COPG2: variants seen among roughly 807,000 people sequenced by gnomAD.
COPG2 encodes the protein coatomer subunit gamma-2.
COPG2 carries 37 observed loss-of-function variants against 46.3 expected under a neutral mutation model. The observed-to-expected ratio is 0.80, with a 90% confidence interval of 0.61 to 1.05. COPG2 has a LOEUF of 1.05. COPG2 is among the 50% of genes least tolerant of loss of function. The probability of loss-of-function intolerance (pLI) is 0.00; values close to 1 mark genes in which losing one functional copy is unlikely to be tolerated. For synonymous variants in COPG2, 159 were observed against 129.7 expected (o/e 1.23, Z -1.53); for missense variants, 427 against 387.8 (o/e 1.10, Z -0.85).
chr7:130,520,009 C>T, intron 20 of COPG2, among the ~76,000 whole-genome samples: 1 of 152,060 alleles, frequency 6.6e-6, no homozygotes, highest in East Asian at 1.9e-4. Context: ...GATAAGAAGC[C>T]ATTGGTGGAA....
rs140236197 is a variant in COPG2 at position 130,605,039 on chromosome 7, T to C, written c.737+5914A>G. ...AATATTTGGTCATTATTTCTTCATATATCTTTTTTGCTCCATTCTATCACC... is the reference window on the plus strand; with the variant it reads ...AATATTTGGTCATTATTTCTTCATACATCTTTTTTGCTCCATTCTATCACC... On this transcript the variant is annotated intron_variant, in intron 9 of 23. Coordinates refer to ENST00000425248, the MANE Select transcript of COPG2 (RefSeq NM_012133.6). 2.7e-3 allele frequency among the ~76,000 whole-genome samples: 413 copies of C among 152,338 alleles called. 1 individual carries two copies. The highest frequency in any genetic ancestry group is 9.2e-3 in the African/African-American group (381 of 41,586).
At chr7:130,645,076 A>G (rs1193924054) in intron 5 of COPG2, 1 of 374,216 alleles carries the variant, frequency 2.7e-6, no homozygotes, top group South Asian at 2.3e-5. Flanking sequence ...AACAAAAAAA[A>G]AAAAAAAAAG....
chr7:130,588,158 G>A (rs1394294669), intron 9 of COPG2, among the ~76,000 whole-genome samples: 2 of 151,226 alleles, frequency 1.3e-5, no homozygotes, highest in Admixed American at 6.6e-5. Context: ...AGGTGCTGGA[G>A]AGGATGTGGA....
At chr7:130,575,976 T>C (rs1793992617) in intron 9 of COPG2, among the ~76,000 whole-genome samples, 1 of 152,112 alleles carries the variant, frequency 6.6e-6, no homozygotes, top group Admixed American at 6.5e-5. Context: ...GACAAAGGGG[T>C]ACATTAGATA....
rs1295438011 is a variant in COPG2 at position 130,550,545 on chromosome 7, G to A, written c.1753C>T (p.Pro585Ser). 1 of 397,622 alleles carries A rather than the reference G, an allele frequency of 2.5e-6. No individual in the cohort carries two copies. Among genetic ancestry groups the A allele is most frequent in the Non-Finnish European group, 4.4e-6 (1 of 225,590 alleles). The allele number at this position is 397,622 out of a possible 1,614,324, so 24.6% of individuals were successfully genotyped here. The change falls in exon 17 of 24, where the codon CCT becomes TCT. Residue 585 changes from proline (P) to serine (S), a missense_variant. By Grantham distance (74) the Pro-to-Ser change is moderately conservative. Coordinates refer to ENST00000425248, the MANE Select transcript of COPG2 (RefSeq NM_012133.6). ...DMKSIPLAMA[P>S]VFEQKAEITL... is the part of the protein sequence containing the mutation. The stretch of plus-strand genomic sequence containing the variant: ...GAACCTGCTTTCTGTTCAAAGACAG[G>A]AGCCATAGCAAGAGGAATTGATTTC...
intron 9 of COPG2, among the ~76,000 whole-genome samples, chr7:130,579,039 A>C (rs1215832084): frequency 8.8e-6 from 1 of 113,088 alleles, no homozygotes; most frequent in African/African-American, 3.6e-5. Flanking sequence ...TCCAAGACAC[A>C]TAATTGTCAG....
At chr7:130,526,535 C>T (rs1799776082) in intron 20 of COPG2, among the ~76,000 whole-genome samples, 1 of 151,712 alleles carries the variant, frequency 6.6e-6, no homozygotes, top group East Asian at 2.0e-4. Flanking sequence ...GGTGGAGGGG[C>T]CCCCAGGGAA....
chr7:130,610,183 T>G, intron 9 of COPG2: 1 of 468,594 alleles, frequency 2.1e-6, no homozygotes, highest in Non-Finnish European at 4.2e-6. Context: ...TAACTAATAC[T>G]TATCATTAGA....
At chr7:130,517,668 T>C (rs1799690558) in intron 20 of COPG2, among the ~76,000 whole-genome samples, 1 of 152,198 alleles carries the variant, frequency 6.6e-6, no homozygotes, top group Non-Finnish European at 1.5e-5. Context: ...ATGAGGGAAG[T>C]AAACCTCAAG....
At chr7:130,577,211 G>A (rs897081544) in intron 9 of COPG2, among the ~76,000 whole-genome samples, 1 of 152,256 alleles carries the variant, frequency 6.6e-6, no homozygotes, top group Non-Finnish European at 1.5e-5. Context: ...AGCTCCCAGT[G>A]TGAGCGACGC....
At chr7:130,633,110 T>C (rs1214867973) in intron 5 of COPG2, among the ~76,000 whole-genome samples, 4 of 152,234 alleles carry the variant, frequency 2.6e-5, no homozygotes, top group Non-Finnish European at 5.9e-5. Flanking sequence ...TTACATGGTG[T>C]ATATGTGCCA....
At chr7:130,548,338 G>A (rs1793478090) in intron 19 of COPG2, 65 bp downstream of exon 19, 1 of 397,816 alleles carries the variant, frequency 2.5e-6, no homozygotes, top group Admixed American at 4.4e-5. Context: ...ATAGGTAAAG[G>A]ATATTTGTCT....
chr7:130,511,237 T>C (rs1366717923), intron 20 of COPG2, among the ~76,000 whole-genome samples: 1 of 151,876 alleles, frequency 6.6e-6, no homozygotes, highest in Non-Finnish European at 1.5e-5. Context: ...TTATGAGGTA[T>C]TTCCAGAAAG....
chr7:130,586,679 G>T (rs940602133), intron 9 of COPG2, among the ~76,000 whole-genome samples: 2 of 152,040 alleles, frequency 1.3e-5, no homozygotes, highest in Middle Eastern at 3.4e-3. Context: ...AGCCAGGATG[G>T]TCTTGATCTC....
chr7:130,571,306 G>A (rs1296664402), intron 9 of COPG2, among the ~76,000 whole-genome samples: 1 of 152,064 alleles, frequency 6.6e-6, no homozygotes, highest in African/African-American at 2.4e-5. Flanking sequence ...TCTGATAAAG[G>A]ACTGATATCC....
intron 13 of COPG2, 128 bp from the exon 14 acceptor site, chr7:130,554,852 G>A: frequency 2.5e-6 from 1 of 397,674 alleles, no homozygotes; most frequent in Non-Finnish European, 4.4e-6. Context: ...AAGCAAAAGT[G>A]TTTTTTCTCC....
At chr7:130,606,320 GAA>G (rs1447108477) in intron 9 of COPG2, among the ~76,000 whole-genome samples, 3 of 151,528 alleles carry the variant, frequency 2.0e-5, no homozygotes, top group African/African-American at 4.9e-5. Context: ...AAAGAGAAAA[GAA>G]AGAGAAAGAA....
At chr7:130,513,318 T>A (rs1243096710) in intron 20 of COPG2, among the ~76,000 whole-genome samples, 32 of 41,914 alleles carry the variant, frequency 7.6e-4, no homozygotes, top group South Asian at 1.9e-3. Context: ...AATATATATA[T>A]ATATATATAT....
At chr7:130,576,470 T>C (rs782800882) in intron 9 of COPG2, among the ~76,000 whole-genome samples, 8 of 152,318 alleles carry the variant, frequency 5.3e-5, no homozygotes, top group South Asian at 4.1e-4. Flanking sequence ...TGAGTAAGCA[T>C]TGGGTCAACA....
Sources: gnomAD v4.1 joint callset for allele counts (sites outside exome capture counted in the v4.1 genomes callset) on GRCh38, gnomAD v4.1.1 for gene constraint, MANE v1.5 for transcripts, NCBI Gene and HGNC (gene_info 2026-07-23, HGNC 2026-07-21) for gene names.